TRAK2: variants seen among roughly 807,000 people sequenced by gnomAD.
TRAK2 encodes the protein trafficking kinesin-binding protein 2.
Under a neutral mutation model 104.6 loss-of-function variants are expected in TRAK2, and 81 were observed. That is an observed-to-expected ratio of 0.77 (90% CI 0.65 to 0.93). The LOEUF is 0.93. TRAK2 is among the 40% of genes least tolerant of loss of function. TRAK2 has a pLI of 0.00. For missense variants in TRAK2, 1,002 were observed against 1,089.0 expected (o/e 0.92, Z 1.12); for synonymous variants, 406 against 394.4 (o/e 1.03, Z -0.35).
At position 201,380,464 on chromosome 2, in the gene TRAK2, T is replaced by C; in HGVS notation, c.*79A>G. The C allele has an allele frequency of 7.1e-7, 1 of 1,400,664 alleles. No homozygotes were observed. Among genetic ancestry groups the C allele is most frequent in the Non-Finnish European group, 9.8e-7 (1 of 1,020,600 alleles). 86.8% of individuals were successfully genotyped at this position (1,400,664 alleles called of 1,614,324 possible). A position where few individuals can be genotyped will look rare whatever the true frequency, so the allele number is the denominator to read the frequency against. ...TGTGCAACATTCCTTTTCTCTCAAG[T>C]CAGACCAGACCACATGTTTCAGTGC... On this transcript the variant is annotated 3_prime_UTR_variant, in exon 16 of 16. Transcript: ENST00000332624.
At chr2:201,450,710 G>A (rs1952023298) in intron 1 of TRAK2, among the ~76,000 whole-genome samples, 1 of 144,912 alleles carries the variant, frequency 6.9e-6, no homozygotes, top group African/African-American at 2.6e-5. Context: ...TTTTTCTGAC[G>A]TAGAAACAGC....
chr2:201,421,581 A>T (rs933806594), intron 1 of TRAK2, among the ~76,000 whole-genome samples: 1 of 152,104 alleles, frequency 6.6e-6, no homozygotes, highest in Admixed American at 6.5e-5. Flanking sequence ...GGGGGGCAAA[A>T]TTCATCCCTG....
chr2:201,381,309 T>C, intron 15 of TRAK2, 91 bp from the exon 16 acceptor site: 2 of 1,211,734 alleles, frequency 1.7e-6, no homozygotes, highest in Non-Finnish European at 2.3e-6. Flanking sequence ...GTAGTTATCC[T>C]TGGTAAATAT....
rs1559433711 is a variant in TRAK2, at chr2:201,378,059, T to C, written c.*2484A>G. On this transcript the variant is annotated 3_prime_UTR_variant, in exon 16 of 16. Coordinates refer to ENST00000332624, the MANE Select transcript of TRAK2 (RefSeq NM_015049.3). The stretch of plus-strand genomic sequence containing the variant: ...CAGACAATTCTAGTATTATAGAGAT[T>C]ATCAGGATATACCAAAAATGATTTT... The C allele has an allele frequency of 6.6e-6, 1 of 152,178 alleles. No individual in the cohort carries two copies. The highest frequency in any genetic ancestry group is 1.5e-5 in the Non-Finnish European group (1 of 68,012). The allele number at this position is 152,178 out of a possible 1,614,324, so 9.4% of individuals were successfully genotyped here. A position where few individuals can be genotyped will look rare whatever the true frequency, so the allele number is the denominator to read the frequency against.
intron 1 of TRAK2, among the ~76,000 whole-genome samples, chr2:201,429,660 C>T (rs1046179722): frequency 6.6e-6 from 1 of 152,212 alleles, no homozygotes; most frequent in Non-Finnish European, 1.5e-5. Context: ...GAATTGGCTA[C>T]TGAAGCTTGC....
chr2:201,420,935 T>C (rs1007134002), intron 1 of TRAK2, among the ~76,000 whole-genome samples: 2 of 152,174 alleles, frequency 1.3e-5, no homozygotes, highest in Non-Finnish European at 2.9e-5. Context: ...TGACAGCAGA[T>C]CAGTGGCTGC....
intron 2 of TRAK2, 111 bp from the exon 3 acceptor site, chr2:201,407,708 T>A: frequency 1.2e-6 from 1 of 869,032 alleles, no homozygotes; most frequent in Non-Finnish European, 1.7e-6. Flanking sequence ...AAAGAAATAC[T>A]AGACAAGATC....
At chr2:201,404,041 C>T (rs1951572412) in intron 3 of TRAK2, among the ~76,000 whole-genome samples, 1 of 152,150 alleles carries the variant, frequency 6.6e-6, no homozygotes. Flanking sequence ...TCAGTTCTGT[C>T]TTCTCTTCCT....
chr2:201,420,249 C>T (rs879452616), intron 2 of TRAK2, among the ~76,000 whole-genome samples, 168 bp downstream of exon 2: 3 of 152,154 alleles, frequency 2.0e-5, no homozygotes, highest in South Asian at 2.1e-4. Flanking sequence ...TCTGTTAATG[C>T]GTCAGGGGAC....
At chr2:201,419,079 A>G (rs1429566260) in intron 2 of TRAK2, 2 of 152,232 alleles carry the variant, frequency 1.3e-5, no homozygotes, top group Non-Finnish European at 2.9e-5. Context: ...AACTCAAAAT[A>G]AAATCTAGAT....
chr2:201,449,264 A>G (rs1179871266), intron 1 of TRAK2, among the ~76,000 whole-genome samples: 1 of 152,172 alleles, frequency 6.6e-6, no homozygotes, highest in Non-Finnish European at 1.5e-5. Flanking sequence ...TTAACCACTC[A>G]ACCTTTAAAG....
At chr2:201,402,355 G>A (rs1006835277) in intron 3 of TRAK2, among the ~76,000 whole-genome samples, 2 of 152,006 alleles carry the variant, frequency 1.3e-5, no homozygotes, top group Admixed American at 6.6e-5. Flanking sequence ...TGGCACCACT[G>A]ACTAAAATGA....
chr2:201,424,829 G>T (rs1025467614), intron 1 of TRAK2, among the ~76,000 whole-genome samples: 2 of 151,704 alleles, frequency 1.3e-5, no homozygotes, highest in African/African-American at 4.8e-5. Flanking sequence ...GGATGGTCTC[G>T]ATCTCCTGAC....
chr2:201,394,647 C>T (rs1056849887), intron 9 of TRAK2, 151 bp downstream of exon 9: 2 of 705,462 alleles, frequency 2.8e-6, no homozygotes, highest in South Asian at 2.0e-5. Flanking sequence ...AGCCAAAATG[C>T]TTTACTTCTT....
At chr2:201,432,695 A>G (rs1039901194) in intron 1 of TRAK2, among the ~76,000 whole-genome samples, 4 of 152,188 alleles carry the variant, frequency 2.6e-5, no homozygotes, top group African/African-American at 7.2e-5. Context: ...GTGCCTAAAA[A>G]ATATCTTGCT....
chr2:201,395,732 G>A (rs1302700903), intron 7 of TRAK2, among the ~76,000 whole-genome samples: 1 of 152,136 alleles, frequency 6.6e-6, no homozygotes, highest in East Asian at 1.9e-4. Flanking sequence ...TTATGAAAAC[G>A]ATATTTGCTC....
chr2:201,381,017 G>C lies in TRAK2; in HGVS notation c.2271C>G (p.Ser757Arg), dbSNP rs1324900864. The part of the protein sequence containing the change: ...ERGISAKVYH[S>R]PISENPLQPL... ...GCTGGAGGGGGTTCTCTGAAATTGGGCTGTGGTACACTTTGGCAGAGATGC... is the reference window on the plus strand; with the variant it reads ...GCTGGAGGGGGTTCTCTGAAATTGGCCTGTGGTACACTTTGGCAGAGATGC... Residue 757 changes from serine to arginine, a missense_variant, in exon 16 of 16, where the codon AGC becomes AGG. Transcript: ENST00000332624. 1 of 1,614,116 alleles carries C rather than the reference G, an allele frequency of 6.2e-7. No individual in the cohort carries two copies. The highest frequency in any genetic ancestry group is 1.1e-5 in the South Asian group (1 of 91,076).
At chr2:201,406,529 G>A (rs537050727) in intron 3 of TRAK2, among the ~76,000 whole-genome samples, 1 of 152,278 alleles carries the variant, frequency 6.6e-6, no homozygotes, top group African/African-American at 2.4e-5. Flanking sequence ...CTATGAAAAT[G>A]AGTATTGCAC....
At position 201,437,822 on chromosome 2, in the gene TRAK2, G is replaced by A. The variant is rs146338093; in HGVS notation, c.-200+13528C>T. ...ACACCCTCCCTACTCTCAGCATACC[G>A]GTCCTTATGCTTCAAATGTCCTCTA... On this transcript the variant is annotated intron_variant, in intron 1 of 15. Coordinates refer to ENST00000332624, the MANE Select transcript of TRAK2 (RefSeq NM_015049.3). Among the ~76,000 whole-genome samples the A allele has an allele frequency of 4.3e-3, 654 of 152,154 alleles. 13 individuals carry two copies. Among genetic ancestry groups the A allele is most frequent in the Admixed American group, 0.03 (454 of 15,266 alleles).
Sources: gnomAD v4.1 joint callset for allele counts (sites outside exome capture counted in the v4.1 genomes callset) on GRCh38, gnomAD v4.1.1 for gene constraint, MANE v1.5 for transcripts, NCBI Gene and HGNC (gene_info 2026-07-23, HGNC 2026-07-21) for gene names.